The following PPARG variants were observed in gnomAD, a reference collection of about 807,000 sequenced individuals.
The protein encoded by PPARG is peroxisome proliferator activated receptor gamma, also known as peroxisome proliferator-activated receptor gamma.
A neutral mutation model predicts 39.2 loss-of-function variants in PPARG; 17 were observed. The observed-to-expected ratio is 0.43, with a 90% CI of 0.30 to 0.65. The LOEUF (loss-of-function observed/expected upper bound fraction) is 0.65, where lower values mean the gene tolerates loss of function less well. Among genes scored for constraint, PPARG ranks in the 30% least tolerant of loss-of-function variants. The probability of loss-of-function intolerance (pLI) is 0.13; values close to 1 mark genes in which losing one functional copy is unlikely to be tolerated. For missense variants in PPARG, 406 were observed against 585.9 expected, an observed-to-expected ratio of 0.69 and a Z score of 3.17; for synonymous variants, 223 against 215.7, an observed-to-expected ratio of 1.03 and a Z score of -0.30.
Position 12,362,535 on chromosome 3 carries a change from A to G in PPARG, c.-8-17169A>G, listed in dbSNP as rs939747181. On this transcript the variant is annotated intron_variant, in intron 2 of 7. Coordinates refer to ENST00000651735, the MANE Select transcript of PPARG (RefSeq NM_138711.6). Reference sequence around the variant, plus strand: ...CTTCGTCTCAAAAATAAATAAATAAATAAATAAATAAATAAATAAATAAAT... The same window carrying G: ...CTTCGTCTCAAAAATAAATAAATAAGTAAATAAATAAATAAATAAATAAAT... Among the ~76,000 whole-genome samples the G allele has an allele frequency of 3.4e-3, 140 of 40,596 alleles. 2 individuals carry two copies. The highest frequency in any genetic ancestry group is 0.017 in the African/African-American group (135 of 8,168). The allele number at this position is 40,596 out of a possible 152,430, so 26.6% of individuals were successfully genotyped here. A position where few individuals can be genotyped will look rare whatever the true frequency, so the allele number is the denominator to read the frequency against.
chr3:12,333,121 G>A (rs1194410709), intron 2 of PPARG, among the ~76,000 whole-genome samples: 4 of 152,104 alleles, frequency 2.6e-5, no homozygotes, highest in Non-Finnish European at 5.9e-5. Context: ...TCTAGTGGTA[G>A]CAATACCAAA....
At chr3:12,314,671 A>T (rs1017783881) in intron 2 of PPARG, among the ~76,000 whole-genome samples, 2 of 152,170 alleles carry the variant, frequency 1.3e-5, no homozygotes, top group Non-Finnish European at 2.9e-5. Context: ...ATCACTACAG[A>T]TTAGGAGGAG....
chr3:12,423,259 G>A (rs895579602), intron 7 of PPARG, among the ~76,000 whole-genome samples: 4 of 152,190 alleles, frequency 2.6e-5, no homozygotes, highest in Admixed American at 6.5e-5. Flanking sequence ...TTAAATTGTC[G>A]AAATACCATC....
intron 2 of PPARG, among the ~76,000 whole-genome samples, chr3:12,364,428 A>T (rs753408177): frequency 1.3e-5 from 2 of 152,124 alleles, no homozygotes; most frequent in Admixed American, 6.6e-5. Context: ...CATTGTTTGG[A>T]TGAGCCATAG....
intron 7 of PPARG, among the ~76,000 whole-genome samples, chr3:12,432,908 CAA>C (rs1336658773): frequency 2.0e-5 from 3 of 152,136 alleles, no homozygotes; most frequent in African/African-American, 7.2e-5. Context: ...ATAAATCTAA[CAA>C]GATCTACATA....
chr3:12,342,337 A>C (rs573919639), intron 2 of PPARG, among the ~76,000 whole-genome samples: 13 of 152,304 alleles, frequency 8.5e-5, no homozygotes, highest in Middle Eastern at 3.4e-3. Flanking sequence ...AAGGGGAAGG[A>C]GTAGTCATGC....
chr3:12,346,293 A>T (rs2048323249), intron 2 of PPARG, among the ~76,000 whole-genome samples: 1 of 152,242 alleles, frequency 6.6e-6, no homozygotes, highest in Non-Finnish European at 1.5e-5. Flanking sequence ...TGAGTCAAGT[A>T]TGAAAAGGAA....
chr3:12,403,917 T>G (rs1291969679), intron 5 of PPARG, among the ~76,000 whole-genome samples: 1 of 152,228 alleles, frequency 6.6e-6, no homozygotes, highest in Non-Finnish European at 1.5e-5. Flanking sequence ...TGAACAAGAT[T>G]CCTGCCTTTG....
At chr3:12,335,729 CAAAGA>C (rs1177166237) in intron 2 of PPARG, among the ~76,000 whole-genome samples, 1 of 151,950 alleles carries the variant, frequency 6.6e-6, no homozygotes, top group African/African-American at 2.4e-5. Flanking sequence ...AAAAGCAAAG[CAAAGA>C]AAATTCACCC....
chr3:12,312,990 G>A (rs2047290909), intron 2 of PPARG, among the ~76,000 whole-genome samples: 1 of 152,070 alleles, frequency 6.6e-6, no homozygotes, highest in Admixed American at 6.5e-5. Context: ...GAGGCTCCAG[G>A]GGCTCCCAAA....
chr3:12,413,535 A>G (rs709152), intron 6 of PPARG, among the ~76,000 whole-genome samples: 67,424 of 152,064 alleles, frequency 0.44, 16,078 homozygotes, highest in Middle Eastern at 0.54. Flanking sequence ...GGGGCCGGGC[A>G]TGGTGGCTCA....
intron 2 of PPARG, among the ~76,000 whole-genome samples, chr3:12,370,362 T>C (rs1238039005): frequency 6.6e-6 from 1 of 152,148 alleles, no homozygotes; most frequent in Non-Finnish European, 1.5e-5. Context: ...TTGACAGTGT[T>C]CCTTTCTGTG....
At chr3:12,306,178 C>T (rs1009933193) in intron 1 of PPARG, among the ~76,000 whole-genome samples, 1 of 152,136 alleles carries the variant, frequency 6.6e-6, no homozygotes, top group East Asian at 1.9e-4. Context: ...GATCATCAGG[C>T]ATTAGTTAGA....
chr3:12,396,633 C>G (rs189235790), intron 5 of PPARG, among the ~76,000 whole-genome samples: 1 of 151,730 alleles, frequency 6.6e-6, no homozygotes, highest in Non-Finnish European at 1.5e-5. Context: ...TGGCTTGTGC[C>G]TGTGGTTTCA....
intron 2 of PPARG, among the ~76,000 whole-genome samples, chr3:12,331,246 G>A (rs1246505882): frequency 1.3e-5 from 2 of 152,206 alleles, no homozygotes; most frequent in Non-Finnish European, 2.9e-5. Flanking sequence ...GAGTTGTGTA[G>A]AATGAGAGCA....
chr3:12,317,922 A>G (rs1385345931), intron 2 of PPARG, among the ~76,000 whole-genome samples: 1 of 152,130 alleles, frequency 6.6e-6, no homozygotes, highest in East Asian at 1.9e-4. Context: ...GAGGCTGGAG[A>G]GTGAAGCGCT....
At chr3:12,370,794 C>A (rs2049184898) in intron 2 of PPARG, among the ~76,000 whole-genome samples, 1 of 152,094 alleles carries the variant, frequency 6.6e-6, no homozygotes, top group Admixed American at 6.6e-5. Flanking sequence ...TTTAAAGGAA[C>A]ATTATTAACA....
intron 2 of PPARG, among the ~76,000 whole-genome samples, chr3:12,372,704 A>G (rs1421385107): frequency 6.6e-6 from 1 of 152,204 alleles, no homozygotes; most frequent in Non-Finnish European, 1.5e-5. Flanking sequence ...CATCTTTTCC[A>G]ACCCACTTCC....
At chr3:12,416,090 A>T (rs571867527) in intron 6 of PPARG, among the ~76,000 whole-genome samples, 2 of 152,354 alleles carry the variant, frequency 1.3e-5, no homozygotes, top group African/African-American at 4.8e-5. Context: ...TTTAAAAATC[A>T]ACAATCGGCC....
Sources: gnomAD v4.1 joint callset for allele counts (sites outside exome capture counted in the v4.1 genomes callset) on GRCh38, gnomAD v4.1.1 for gene constraint, MANE v1.5 for transcripts, NCBI Gene and HGNC (gene_info 2026-07-23, HGNC 2026-07-21) for gene names.